Variants in HMGB1 observed in about 807,000 individuals in gnomAD.
HMGB1 encodes the protein high mobility group protein B1.
For synonymous variants in HMGB1, 81 were observed against 84.0 expected, an observed-to-expected ratio of 0.96 and a Z score of 0.19; for missense variants, 79 against 253.5, an observed-to-expected ratio of 0.31 and a Z score of 4.67.
At chr13:30,545,029 T>TA (rs1290386401) in intron 1 of HMGB1, among the ~76,000 whole-genome samples, 2 of 152,312 alleles carry the variant, frequency 1.3e-5, no homozygotes, top group African/African-American at 2.4e-5. Context: ...TCTTCTCTCT[T>TA]AAAAAAACTA....
chr13:30,561,155 TA>T (rs5802576), intron 1 of HMGB1, among the ~76,000 whole-genome samples: 35,487 of 151,338 alleles, frequency 0.23, 7,317 homozygotes, highest in African/African-American at 0.56. Context: ...ACACATTTGG[TA>T]AAAAAAAGTA....
intron 1 of HMGB1, among the ~76,000 whole-genome samples, chr13:30,565,025 G>A (rs191061869): frequency 1.3e-5 from 2 of 152,236 alleles, no homozygotes; most frequent in Admixed American, 6.5e-5. Flanking sequence ...ACTATGGTAC[G>A]TCCTTTACAT....
At chr13:30,521,606 T>C (rs1354059182) in intron 1 of HMGB1, among the ~76,000 whole-genome samples, 1 of 152,216 alleles carries the variant, frequency 6.6e-6, no homozygotes, top group African/African-American at 2.4e-5. Context: ...ATTTTATTTA[T>C]TCACTCATCA....
intron 1 of HMGB1, among the ~76,000 whole-genome samples, chr13:30,544,455 GA>G (rs952942166): frequency 1.3e-5 from 2 of 152,260 alleles, no homozygotes; most frequent in African/African-American, 4.8e-5. Flanking sequence ...GGGGAGGGAA[GA>G]GGGGCGGAAG....
rs1167878259 is a variant in HMGB1, at chr13:30,601,552, C to T, written c.-15+15119G>A. ...CGAGGTCAAGAGATCGAGACCATCC[C>T]GGCTAAAACGGTGAAACCCCGTCTC... On this transcript the variant is annotated intron_variant, in intron 1 of 4. Coordinates refer to the HMGB1 transcript ENST00000405805. Among the ~76,000 whole-genome samples the T allele has an allele frequency of 7.2e-5, 3 of 41,564 alleles. 1 individual carries two copies. Among genetic ancestry groups the T allele is most frequent in the Non-Finnish European group, 1.3e-4 (3 of 23,350 alleles). The allele number at this position is 41,564 out of a possible 152,430, so 27.3% of individuals were successfully genotyped here.
chr13:30,580,891 T>C (rs900030848), intron 1 of HMGB1, among the ~76,000 whole-genome samples: 2 of 152,220 alleles, frequency 1.3e-5, no homozygotes, highest in East Asian at 1.9e-4. Context: ...GTCGTTAGAA[T>C]TGAGACACCC....
In HMGB1 at chr13:30,457,657, C is replaced by T. The variant is rs754490981; in HGVS notation, c.*3700G>A. 6 of 152,164 alleles carry T rather than the reference C, an allele frequency of 3.9e-5. No individual in the cohort carries two copies. The highest frequency in any genetic ancestry group is 7.4e-5 in the Non-Finnish European group (5 of 68,024). 9.4% of individuals were successfully genotyped at this position (152,164 alleles called of 1,614,324 possible). On this transcript the variant is annotated 3_prime_UTR_variant, in exon 5 of 5. Transcript: ENST00000341423. ...CTGGTAGAGATTACCTTAGACTGAA[C>T]CCCCCTGGAAGACGAGCATTACATA...
At chr13:30,502,019 C>A (rs931582386) in intron 1 of HMGB1, among the ~76,000 whole-genome samples, 3 of 152,158 alleles carry the variant, frequency 2.0e-5, no homozygotes, top group African/African-American at 7.2e-5. Context: ...AGCCAAAAAT[C>A]AAATTCAGTG....
intron 1 of HMGB1, among the ~76,000 whole-genome samples, chr13:30,481,007 G>A (rs890156726): frequency 1.3e-5 from 2 of 151,698 alleles, no homozygotes; most frequent in African/African-American, 2.4e-5. Flanking sequence ...TTAAAGAGGT[G>A]TAATATTAGT....
chr13:30,499,230 TCA>T (rs1340708616), intron 1 of HMGB1, among the ~76,000 whole-genome samples: 3 of 152,050 alleles, frequency 2.0e-5, no homozygotes, highest in Non-Finnish European at 4.4e-5. Context: ...TGGGATTGGC[TCA>T]CACTTACAGG....
intron 1 of HMGB1, among the ~76,000 whole-genome samples, chr13:30,566,243 A>G (rs1029949070): frequency 1.5e-4 from 23 of 152,204 alleles, no homozygotes; most frequent in African/African-American, 5.5e-4. Flanking sequence ...GACACGCTCA[A>G]GTTCTCATTA....
At chr13:30,489,418 G>T (rs1386170667) in intron 1 of HMGB1, among the ~76,000 whole-genome samples, 1 of 152,202 alleles carries the variant, frequency 6.6e-6, no homozygotes, top group Non-Finnish European at 1.5e-5. Context: ...AGATGCAGTT[G>T]TACTGGTGGG....
intron 1 of HMGB1, among the ~76,000 whole-genome samples, chr13:30,507,329 A>G (rs939650616): frequency 6.6e-6 from 1 of 152,186 alleles, no homozygotes; most frequent in African/African-American, 2.4e-5. Context: ...CACCTCACAC[A>G]CGTATTCAGA....
At chr13:30,616,719 GC>G (rs1337332972) in exon 1 of HMGB1, 1 of 152,112 alleles carries the variant, frequency 6.6e-6, no homozygotes, top group African/African-American at 2.4e-5. Context: ...GGATTCCTTG[GC>G]CATTTGCATT....
At chr13:30,497,500 T>C (rs921720107) in intron 1 of HMGB1, among the ~76,000 whole-genome samples, 4 of 151,926 alleles carry the variant, frequency 2.6e-5, no homozygotes, top group Non-Finnish European at 4.4e-5. Flanking sequence ...AGGTTTGTTA[T>C]ATAGGTAAAT....
chr13:30,489,737 T>C (rs1216323898), intron 1 of HMGB1, among the ~76,000 whole-genome samples: 1 of 146,990 alleles, frequency 6.8e-6, no homozygotes, highest in African/African-American at 2.6e-5. Context: ...GAATTTCTTT[T>C]TTTTTTTTTT....
intron 1 of HMGB1, among the ~76,000 whole-genome samples, chr13:30,588,679 G>A (rs1027965971): frequency 6.6e-6 from 1 of 152,178 alleles, no homozygotes; most frequent in Non-Finnish European, 1.5e-5. Flanking sequence ...CACTTTGGGA[G>A]GCCAAGGTGG....
At position 30,463,335 on chromosome 13, in the gene HMGB1, C is replaced by T. The variant is rs1886479245; in HGVS notation, c.168G>A (p.Glu56=). The T allele has an allele frequency of 6.2e-7, 1 of 1,605,170 alleles. No homozygotes were observed. Among genetic ancestry groups the T allele is most frequent in the East Asian group, 2.2e-5 (1 of 44,860 alleles). ...TTGCCATATCTTCAAATTTTCCTTT[C>T]TCTTTAGCAGACATGGTCTACAAAA... ...SERWKTMSAK[E]KGKFEDMAKA... is the part of the protein sequence containing the mutation. The change falls in exon 3 of 5, where the codon GAG becomes GAA. Residue 56 remains glutamate (E), a synonymous_variant. Coordinates refer to ENST00000341423, the MANE Select transcript of HMGB1 (RefSeq NM_002128.7).
intron 1 of HMGB1, among the ~76,000 whole-genome samples, chr13:30,548,218 G>C (rs1869256287): frequency 6.6e-6 from 1 of 152,092 alleles, no homozygotes. Context: ...TGCTGTTCTT[G>C]TGATACTGAG....
Sources: gnomAD v4.1 joint callset for allele counts (sites outside exome capture counted in the v4.1 genomes callset) on GRCh38, gnomAD v4.1.1 for gene constraint, MANE v1.5 for transcripts, NCBI Gene and HGNC (gene_info 2026-07-23, HGNC 2026-07-21) for gene names.